Variants in CCDC91 observed in about 807,000 individuals in gnomAD.
The protein encoded by CCDC91 is coiled-coil domain-containing protein 91.
Under a neutral mutation model 63.2 loss-of-function variants are expected in CCDC91, and 48 were observed. That is an observed-to-expected ratio of 0.76 (90% CI 0.60 to 0.97). CCDC91 has a LOEUF of 0.97. CCDC91 is among the 50% of genes least tolerant of loss of function. The pLI is 0.00. For missense variants in CCDC91, 500 were observed against 494.6 expected (o/e 1.01, Z -0.10); for synonymous variants, 167 against 165.8 (o/e 1.01, Z -0.06).
At chr12:28,462,248 GTTA>G (rs902999739) in intron 11 of CCDC91, among the ~76,000 whole-genome samples, 3 of 152,188 alleles carry the variant, frequency 2.0e-5, no homozygotes, top group African/African-American at 7.2e-5. Context: ...ACATGAGAGT[GTTA>G]TTATCCCATC....
chr12:28,227,179 C>T (rs2135755002), intron 1 of CCDC91, among the ~76,000 whole-genome samples: 1 of 152,208 alleles, frequency 6.6e-6, no homozygotes, highest in East Asian at 1.9e-4. Flanking sequence ...TTTTATTAGG[C>T]TTCTTCACTG....
At chr12:28,342,866 G>A (rs892612542) in intron 6 of CCDC91, among the ~76,000 whole-genome samples, 6 of 151,918 alleles carry the variant, frequency 3.9e-5, no homozygotes, top group African/African-American at 1.4e-4. Context: ...GAGAGTTGAG[G>A]AGATATTGGA....
At chr12:28,545,763 A>G (rs534284820) in intron 12 of CCDC91, among the ~76,000 whole-genome samples, 1 of 152,194 alleles carries the variant, frequency 6.6e-6, no homozygotes, top group East Asian at 1.9e-4. Context: ...ACAGAAATCT[A>G]TCAAACTTTT....
At chr12:28,307,603 C>G in intron 5 of CCDC91, 42 bp from the exon 6 acceptor site, 1 of 992,450 alleles carries the variant, frequency 1.0e-6, no homozygotes, top group Non-Finnish European at 1.5e-6. Context: ...ATATTTTATG[C>G]CATTAAATAT....
chr12:28,281,983 T>C (rs1948633082), intron 3 of CCDC91, among the ~76,000 whole-genome samples: 1 of 152,152 alleles, frequency 6.6e-6, no homozygotes, highest in African/African-American at 2.4e-5. Context: ...ATTGAAATAT[T>C]GATTGAAAAG....
intron 3 of CCDC91, among the ~76,000 whole-genome samples, chr12:28,273,525 T>C (rs543813818): frequency 2.6e-5 from 4 of 152,068 alleles, no homozygotes; most frequent in South Asian, 4.1e-4. Context: ...TTTTAATGAT[T>C]GCCATTCTAA....
intron 11 of CCDC91, among the ~76,000 whole-genome samples, chr12:28,470,926 C>T (rs1238239374): frequency 3.3e-5 from 5 of 151,640 alleles, no homozygotes; most frequent in Non-Finnish European, 7.4e-5. Context: ...GGATGGTTAC[C>T]AGAGGATGGG....
At chr12:28,278,686 G>T (rs1459538835) in intron 3 of CCDC91, among the ~76,000 whole-genome samples, 1 of 151,984 alleles carries the variant, frequency 6.6e-6, no homozygotes, top group Non-Finnish European at 1.5e-5. Context: ...AGTACTTGCT[G>T]TTCCCTAAAC....
At chr12:28,395,673 T>G (rs1946247002) in intron 8 of CCDC91, among the ~76,000 whole-genome samples, 1 of 151,886 alleles carries the variant, frequency 6.6e-6, no homozygotes, top group Non-Finnish European at 1.5e-5. Context: ...GTGATAAGAG[T>G]ATCTGTGGTA....
At chr12:28,430,796 G>A (rs1948586158) in intron 8 of CCDC91, among the ~76,000 whole-genome samples, 1 of 152,100 alleles carries the variant, frequency 6.6e-6, no homozygotes, top group Admixed American at 6.6e-5. Flanking sequence ...TAATTTGTGA[G>A]TTTAGATAAA....
intron 1 of CCDC91, among the ~76,000 whole-genome samples, chr12:28,197,056 T>C (rs1212759412): frequency 2.0e-5 from 3 of 152,296 alleles, no homozygotes; most frequent in African/African-American, 7.2e-5. Flanking sequence ...TGCTTAACTC[T>C]GATAATTTTT....
intron 3 of CCDC91, 79 bp from the exon 4 acceptor site, chr12:28,305,570 C>T: frequency 8.1e-7 from 1 of 1,239,016 alleles, no homozygotes; most frequent in Non-Finnish European, 1.1e-6. Context: ...TTTCAGCTCT[C>T]TTTCTTCCTT....
In CCDC91 at chr12:28,535,839, T is replaced by C. The variant is rs544796844; in HGVS notation, c.1216-13224T>C. On this transcript the variant is annotated intron_variant, in intron 12 of 12. Transcript: ENST00000536442. ...GTCAGGAGATCAAGACCATCCTGGC[T>C]AACACGGTGAAACCCCGTCTCTACT... Among the ~76,000 whole-genome samples the C allele has an allele frequency of 1.4e-4, 22 of 152,028 alleles. No homozygotes were observed. In the East Asian group the frequency reaches 2.5e-3, roughly 17 times the overall value.
At chr12:28,267,977 T>C (rs554465833) in intron 3 of CCDC91, among the ~76,000 whole-genome samples, 1 of 115,908 alleles carries the variant, frequency 8.6e-6, no homozygotes. Context: ...AATTAATATA[T>C]ACCCAATCTT....
Position 28,278,996 on chromosome 12 carries a change from C to T in CCDC91, c.109+19554C>T, listed in dbSNP as rs569442084. ...TGTACAATAGTTAATTATGCATATA[C>T]GATTACAATGATAATATATACTATT... On this transcript the variant is annotated intron_variant, in intron 3 of 12. Transcript: ENST00000536442. 9.2e-5 allele frequency among the ~76,000 whole-genome samples: 14 copies of T among 151,790 alleles called. No individual in the cohort carries two copies. The East Asian group carries it at 9.7e-4, about 10-fold the overall frequency.
At chr12:28,442,941 G>C (rs572349258) in intron 8 of CCDC91, among the ~76,000 whole-genome samples, 1 of 152,094 alleles carries the variant, frequency 6.6e-6, no homozygotes, top group East Asian at 1.9e-4. Flanking sequence ...AAGAAGAAAG[G>C]CCTGTATAAA....
At chr12:28,235,639 AG>A (rs1213736475) in intron 1 of CCDC91, among the ~76,000 whole-genome samples, 1 of 151,820 alleles carries the variant, frequency 6.6e-6, no homozygotes, top group African/African-American at 2.4e-5. Flanking sequence ...TAATGTGTAT[AG>A]ATGAATTTGA....
At chr12:28,401,031 C>A (rs1170569928) in intron 8 of CCDC91, among the ~76,000 whole-genome samples, 1 of 152,172 alleles carries the variant, frequency 6.6e-6, no homozygotes, top group Non-Finnish European at 1.5e-5. Flanking sequence ...TCTGAGCTCT[C>A]CAAATGGTTC....
intron 3 of CCDC91, among the ~76,000 whole-genome samples, chr12:28,267,764 TA>T: frequency 1.4e-5 from 1 of 70,010 alleles, no homozygotes; most frequent in Admixed American, 2.7e-4. Context: ...TATAATTATA[TA>T]TAATTATATT....
Sources: gnomAD v4.1 joint callset for allele counts (sites outside exome capture counted in the v4.1 genomes callset) on GRCh38, gnomAD v4.1.1 for gene constraint, MANE v1.5 for transcripts, NCBI Gene and HGNC (gene_info 2026-07-23, HGNC 2026-07-21) for gene names.